The following SMYD3 variants were observed in gnomAD, a reference collection of about 807,000 sequenced individuals.
SMYD3 encodes histone-lysine N-methyltransferase SMYD3.
In SMYD3, 36 loss-of-function variants were observed where a neutral mutation model predicts 57.7. The ratio of observed to expected loss-of-function variants is 0.62; its 90% CI spans 0.48 to 0.82. The LOEUF (loss-of-function observed/expected upper bound fraction) is 0.82, where lower values mean the gene tolerates loss of function less well. SMYD3 is among the 40% of genes least tolerant of loss of function. SMYD3 has a pLI of 0.00. For missense variants in SMYD3, 515 were observed against 538.8 expected, an observed-to-expected ratio of 0.96 and a Z score of 0.44; for synonymous variants, 211 against 195.0, an observed-to-expected ratio of 1.08 and a Z score of -0.68.
chr1:245,985,933 C>T (rs562106280), intron 5 of SMYD3, among the ~76,000 whole-genome samples: 9 of 152,206 alleles, frequency 5.9e-5, no homozygotes, highest in African/African-American at 1.2e-4. Context: ...CCTAACACTG[C>T]GCCATTCAAA....
intron 8 of SMYD3, among the ~76,000 whole-genome samples, chr1:245,907,903 C>T (rs995791388): frequency 4.6e-5 from 7 of 151,862 alleles, no homozygotes; most frequent in African/African-American, 1.5e-4. Context: ...TTTGGGAGGC[C>T]GAGGTGGGCA....
chr1:245,905,782 C>T (rs539286121), intron 8 of SMYD3, among the ~76,000 whole-genome samples: 11 of 152,296 alleles, frequency 7.2e-5, no homozygotes, highest in African/African-American at 2.6e-4. Flanking sequence ...GTGCTGGCTT[C>T]AGGTCTACAT....
intron 1 of SMYD3, among the ~76,000 whole-genome samples, chr1:246,466,298 T>C (rs1325593386): frequency 6.6e-6 from 1 of 152,202 alleles, no homozygotes; most frequent in Non-Finnish European, 1.5e-5. Flanking sequence ...AATGGTAGAA[T>C]GCATAAAGAA....
chr1:245,912,028 A>T (rs1488130799), intron 8 of SMYD3, among the ~76,000 whole-genome samples: 1 of 152,126 alleles, frequency 6.6e-6, no homozygotes, highest in African/African-American at 2.4e-5. Context: ...AAAAATGTTT[A>T]AAAAGCAATA....
In SMYD3 at chr1:246,089,560, A is replaced by G. The variant is rs1013400206; in HGVS notation, c.532-159623T>C. Among the ~76,000 whole-genome samples the G allele has an allele frequency of 5.3e-5, 8 of 152,290 alleles. No homozygotes were observed. The South Asian group carries it at 1.7e-3, about 32-fold the overall frequency. ...CTTTAAGACCGTGAGAAAGGAACAT[A>G]TGAATCTTCACAAACCTTCACAGAA... On this transcript the variant is annotated intron_variant, in intron 5 of 11. Coordinates refer to ENST00000490107, the MANE Select transcript of SMYD3 (RefSeq NM_001167740.2).
At chr1:246,385,208 A>T (rs2066454240) in intron 1 of SMYD3, among the ~76,000 whole-genome samples, 2 of 152,214 alleles carry the variant, frequency 1.3e-5, no homozygotes, top group Admixed American at 1.3e-4. Flanking sequence ...GCATAACACA[A>T]TACTTACTTG....
intron 1 of SMYD3, among the ~76,000 whole-genome samples, chr1:246,391,277 G>A (rs945360171): frequency 6.6e-6 from 1 of 150,494 alleles, no homozygotes; most frequent in South Asian, 2.1e-4. Context: ...ATACATGGGA[G>A]GCTTAAGTAG....
At chr1:245,899,639 A>AT (rs978279187) in intron 8 of SMYD3, among the ~76,000 whole-genome samples, 1 of 152,198 alleles carries the variant, frequency 6.6e-6, no homozygotes, top group Non-Finnish European at 1.5e-5. Flanking sequence ...GGTCAATGTT[A>AT]TATGTTAACT....
intron 5 of SMYD3, among the ~76,000 whole-genome samples, chr1:246,070,530 A>C (rs767044719): frequency 6.6e-6 from 1 of 152,234 alleles, no homozygotes; most frequent in East Asian, 1.9e-4. Context: ...CTACAACACC[A>C]TAAGATAATC....
intron 5 of SMYD3, among the ~76,000 whole-genome samples, chr1:245,967,877 A>T (rs975621737): frequency 6.6e-6 from 1 of 152,200 alleles, no homozygotes; most frequent in Non-Finnish European, 1.5e-5. Flanking sequence ...AGTGGCGTGA[A>T]CTATTATTTT....
intron 5 of SMYD3, among the ~76,000 whole-genome samples, chr1:246,295,321 C>A (rs937814091): frequency 6.6e-6 from 1 of 152,150 alleles, no homozygotes; most frequent in African/African-American, 2.4e-5. Flanking sequence ...AAAGGGTCTA[C>A]AGTTGAGAAG....
At chr1:246,338,643 A>G (rs1262775877) in intron 2 of SMYD3, among the ~76,000 whole-genome samples, 1 of 152,232 alleles carries the variant, frequency 6.6e-6, no homozygotes, top group Non-Finnish European at 1.5e-5. Flanking sequence ...AAAGGAGACA[A>G]GAGTTTCATG....
chr1:245,937,802 T>C (rs931412939), intron 5 of SMYD3, among the ~76,000 whole-genome samples: 2 of 152,236 alleles, frequency 1.3e-5, no homozygotes, highest in African/African-American at 4.8e-5. Flanking sequence ...TCTAGTTTCA[T>C]TATTCTCTAA....
chr1:246,342,479 C>A lies in SMYD3; in HGVS notation c.229-7005G>T, dbSNP rs544420453. ...TACAGATTGTCAGATGCAGGCAGATCTGAAAAGCTGGAATCTGGGAAAAGA... is the reference window on the plus strand; with the variant it reads ...TACAGATTGTCAGATGCAGGCAGATATGAAAAGCTGGAATCTGGGAAAAGA... On this transcript the variant is annotated intron_variant, in intron 2 of 11. Transcript: ENST00000490107. Among the ~76,000 whole-genome samples the A allele has an allele frequency of 2.6e-5, 4 of 152,236 alleles. No individual in the cohort carries two copies. The South Asian group carries it at 8.3e-4, about 32-fold the overall frequency.
intron 5 of SMYD3, among the ~76,000 whole-genome samples, chr1:246,087,288 T>C (rs2060737027): frequency 6.6e-6 from 1 of 152,190 alleles, no homozygotes; most frequent in Non-Finnish European, 1.5e-5. Context: ...TGCTACTTTT[T>C]ATCACTAGAC....
At chr1:246,152,559 T>C (rs1209106144) in intron 5 of SMYD3, among the ~76,000 whole-genome samples, 1 of 152,256 alleles carries the variant, frequency 6.6e-6, no homozygotes, top group African/African-American at 2.4e-5. Flanking sequence ...TTTTACGCAC[T>C]GAGTGAAGAT....
At chr1:245,928,681 A>G (rs1016094727) in intron 6 of SMYD3, among the ~76,000 whole-genome samples, 2 of 152,216 alleles carry the variant, frequency 1.3e-5, no homozygotes, top group Non-Finnish European at 2.9e-5. Context: ...CTCAAAAAAA[A>G]AAAATACTCA....
At chr1:245,943,155 GAC>G (rs371248674) in intron 5 of SMYD3, among the ~76,000 whole-genome samples, 34 of 103,596 alleles carry the variant, frequency 3.3e-4, no homozygotes, top group African/African-American at 1.2e-3. Context: ...ACTGAGGACA[GAC>G]ACACACACAC....
chr1:246,222,740 T>G (rs1381273827), intron 5 of SMYD3, among the ~76,000 whole-genome samples: 2 of 152,162 alleles, frequency 1.3e-5, no homozygotes, highest in African/African-American at 2.4e-5. Context: ...AACTGAAGGA[T>G]GCAAAGAACT....
Sources: allele counts gnomAD v4.1 joint callset (sites outside exome capture counted in the v4.1 genomes callset), GRCh38; gene constraint gnomAD v4.1.1; transcripts MANE v1.5; gene names NCBI Gene and HGNC (gene_info 2026-07-23, HGNC 2026-07-21).